Variants in YTHDC2 observed in about 807,000 individuals in gnomAD.
The protein encoded by YTHDC2 is YTH N6-methyladenosine RNA binding protein C2.
YTHDC2 carries 45 observed loss-of-function variants against 174.9 expected under a neutral mutation model. That is an observed-to-expected ratio of 0.26 (90% CI 0.20 to 0.33). The LOEUF is 0.33. Among genes scored for constraint, YTHDC2 ranks in the 10% least tolerant of loss-of-function variants. The pLI, the probability that YTHDC2 is intolerant of heterozygous loss-of-function variation, is 1.00. For missense variants in YTHDC2, 1,650 were observed against 1,723.7 expected (o/e 0.96, Z 0.76); for synonymous variants, 657 against 574.5 (o/e 1.14, Z -2.05).
At chr5:113,589,496 T>A (rs181520699) in intron 26 of YTHDC2, among the ~76,000 whole-genome samples, 2 of 149,496 alleles carry the variant, frequency 1.3e-5, no homozygotes, top group East Asian at 3.9e-4. Flanking sequence ...GGAGGCCAGG[T>A]TGGGATGATA....
In YTHDC2 at chr5:113,535,734, T is replaced by C. The variant is rs778162072; in HGVS notation, c.1038T>C (p.Leu346=). Residue 346 remains leucine, a synonymous_variant, in exon 7 of 30, where the codon CTT becomes CTC. Coordinates refer to ENST00000161863, the MANE Select transcript of YTHDC2 (RefSeq NM_022828.5). The part of the protein sequence containing the change: ...LQKHPTLKLI[L]SSAALDVNLF... ...AGCACCCAACTTTGAAACTAATTCTTTCTAGTGCTGCCTTGGATGTAAATC... is the reference window on the plus strand; with the variant it reads ...AGCACCCAACTTTGAAACTAATTCTCTCTAGTGCTGCCTTGGATGTAAATC... The C allele has an allele frequency of 2.4e-5, 38 of 1,613,720 alleles. No homozygotes were observed. The South Asian group carries it at 3.5e-4, about 15-fold the overall frequency.
chr5:113,545,202 G>C (rs753413038), intron 10 of YTHDC2, among the ~76,000 whole-genome samples: 2 of 152,032 alleles, frequency 1.3e-5, no homozygotes, highest in Non-Finnish European at 2.9e-5. Flanking sequence ...CAAGGGACTA[G>C]GTCAATATTT....
At chr5:113,572,741 G>A (rs1382565755) in intron 23 of YTHDC2, among the ~76,000 whole-genome samples, 4 of 152,044 alleles carry the variant, frequency 2.6e-5, no homozygotes, top group African/African-American at 7.2e-5. Context: ...TGATCTTTAT[G>A]GTTTAAAGTC....
chr5:113,555,320 TA>T (rs1286442446), intron 16 of YTHDC2, among the ~76,000 whole-genome samples: 2 of 136,166 alleles, frequency 1.5e-5, no homozygotes, highest in Admixed American at 1.5e-4. Flanking sequence ...CTAAAAATTT[TA>T]TAAACTATTA....
intron 25 of YTHDC2, chr5:113,583,088 A>G (rs1778490298): frequency 6.6e-6 from 1 of 152,198 alleles, no homozygotes; most frequent in South Asian, 2.1e-4. Context: ...GTTCTGTTAG[A>G]TTCAAGAAAC....
Position 113,572,387 on chromosome 5 carries a change from A to T in YTHDC2, c.3244+4538A>T, listed in dbSNP as rs533875901. Reference sequence around the variant, plus strand: ...ACTGAGGAGTGTTTTACTTCCAGTTATGTGATCAATTTTAGAATAAATGCC... The same window carrying T: ...ACTGAGGAGTGTTTTACTTCCAGTTTTGTGATCAATTTTAGAATAAATGCC... On this transcript the variant is annotated intron_variant, in intron 23 of 29. Coordinates refer to ENST00000161863, the MANE Select transcript of YTHDC2 (RefSeq NM_022828.5). 2.0e-5 allele frequency among the ~76,000 whole-genome samples: 3 copies of T among 152,344 alleles called. No homozygotes were observed. In the South Asian group the frequency reaches 6.2e-4, roughly 32 times the overall value.
At chr5:113,586,300 A>G (rs1778676824) in intron 26 of YTHDC2, among the ~76,000 whole-genome samples, 1 of 151,984 alleles carries the variant, frequency 6.6e-6, no homozygotes, top group Non-Finnish European at 1.5e-5. Flanking sequence ...GCCATTGTGT[A>G]TCATCTTTGT....
intron 17 of YTHDC2, among the ~76,000 whole-genome samples, chr5:113,559,931 G>A (rs1254299638): frequency 6.6e-6 from 1 of 152,166 alleles, no homozygotes; most frequent in East Asian, 1.9e-4. Flanking sequence ...TTTGGGATGC[G>A]TAAGGCATTT....
chr5:113,548,768 A>G (rs1365623019), intron 11 of YTHDC2, 101 bp downstream of exon 11: 2 of 1,311,396 alleles, frequency 1.5e-6, no homozygotes, highest in African/African-American at 1.5e-5. Context: ...CTATTGTGTA[A>G]TAATTGCTGG....
Position 113,590,924 on chromosome 5 carries a change from T to C in YTHDC2, c.3826-117T>C, listed in dbSNP as rs1309049669. ...TCAGACATGATAGAGCTATTTGCAT[T>C]TGTTGAATATATGATAAAATATTTT... On this transcript the variant is annotated intron_variant, in intron 26 of 29. Coordinates refer to ENST00000161863, the MANE Select transcript of YTHDC2 (RefSeq NM_022828.5). 3 of 835,492 alleles carry C rather than the reference T, an allele frequency of 3.6e-6. No individual in the cohort carries two copies. The African/African-American group carries it at 5.2e-5, about 15-fold the overall frequency. The allele number at this position is 835,492 out of a possible 1,614,324, so 51.8% of individuals were successfully genotyped here.
At chr5:113,556,545 T>TA (rs1177972702) in intron 17 of YTHDC2, among the ~76,000 whole-genome samples, 1 of 152,194 alleles carries the variant, frequency 6.6e-6, no homozygotes, top group Admixed American at 6.5e-5. Flanking sequence ...ACTAATACAT[T>TA]AACCTCACAT....
At chr5:113,563,259 A>C (rs1777118344) in intron 18 of YTHDC2, 114 bp from the exon 19 acceptor site, 3 of 859,130 alleles carry the variant, frequency 3.5e-6, no homozygotes, top group Non-Finnish European at 1.7e-6. Context: ...TGTTCATTCT[A>C]ATCAGAGACT....
At position 113,535,722 on chromosome 5, in the gene YTHDC2, G is replaced by A. The variant is rs973016932; in HGVS notation, c.1026G>A (p.Leu342=). ...ATTTGTTGCAAAAGCACCCAACTTT[G>A]AAACTAATTCTTTCTAGTGCTGCCT... ...LRDLLQKHPT[L]KLILSSAALD... Residue 342 remains leucine (L), a synonymous_variant, in exon 7 of 30, where the codon TTG becomes TTA. Coordinates refer to ENST00000161863, the MANE Select transcript of YTHDC2 (RefSeq NM_022828.5). 6.2e-7 allele frequency: 1 copy of A among 1,613,664 alleles called. No homozygotes were observed. The highest frequency in any genetic ancestry group is 8.5e-7 in the Non-Finnish European group (1 of 1,179,820).
At position 113,581,395 on chromosome 5, in the gene YTHDC2, G is replaced by T. The variant is rs778463382; in HGVS notation, c.3355-22G>T. ...TTGCATATGTGATATTCATTTGCTT[G>T]TATCTATTTGAACTATTACAGGCAG... On this transcript the variant is annotated intron_variant, in intron 24 of 29. Coordinates refer to ENST00000161863, the MANE Select transcript of YTHDC2 (RefSeq NM_022828.5). 36 of 1,546,282 alleles carry T rather than the reference G, an allele frequency of 2.3e-5. No individual in the cohort carries two copies. The African/African-American group carries it at 4.5e-4, about 20-fold the overall frequency.
chr5:113,585,939 G>A (rs920756948), intron 26 of YTHDC2, among the ~76,000 whole-genome samples: 1 of 151,862 alleles, frequency 6.6e-6, no homozygotes, highest in African/African-American at 2.4e-5. Flanking sequence ...TATGAATAAA[G>A]TTGCTAACAT....
chr5:113,574,741 TC>T (rs1777933744), intron 23 of YTHDC2, among the ~76,000 whole-genome samples: 1 of 152,156 alleles, frequency 6.6e-6, no homozygotes, highest in South Asian at 2.1e-4. Flanking sequence ...TCAGCCCCCT[TC>T]CTAGGGATAT....
At chr5:113,574,361 G>T (rs919423638) in intron 23 of YTHDC2, among the ~76,000 whole-genome samples, 1 of 152,174 alleles carries the variant, frequency 6.6e-6, no homozygotes, top group African/African-American at 2.4e-5. Context: ...GGGGTTATTG[G>T]CCTGTTGCTG....
chr5:113,530,485 C>G (rs1580498383), intron 4 of YTHDC2, among the ~76,000 whole-genome samples: 1 of 152,070 alleles, frequency 6.6e-6, no homozygotes, highest in Admixed American at 6.6e-5. Context: ...TAAACCAAGT[C>G]CACTTTCAAA....
In YTHDC2 at chr5:113,592,136, A is replaced by G. The variant is rs752705515; in HGVS notation, c.4170A>G (p.Pro1390=). 2.5e-6 allele frequency: 4 copies of G among 1,612,956 alleles called. No homozygotes were observed. Among genetic ancestry groups the G allele is most frequent in the Middle Eastern group, 1.7e-4 (1 of 6,058 alleles). The change falls in exon 28 of 30, where the codon CCA becomes CCG. Residue 1390 remains proline, a synonymous_variant. Transcript: ENST00000161863. ...AATTTGCACACCATTTACTCAATCC[A>G]TGGAATGACAACAAGAAAGTGCAGA... ...PFQFAHHLLN[P]WNDNKKVQIS...
Sources: gnomAD v4.1 joint callset for allele counts (sites outside exome capture counted in the v4.1 genomes callset) on GRCh38, gnomAD v4.1.1 for gene constraint, MANE v1.5 for transcripts, NCBI Gene and HGNC (gene_info 2026-07-23, HGNC 2026-07-21) for gene names.